The following PRSS23 variants were observed in gnomAD, a reference collection of about 807,000 sequenced individuals.
The protein encoded by PRSS23 is protease, serine 23.
PRSS23 carries 25 observed loss-of-function variants against 34.7 expected under a neutral mutation model. The observed-to-expected ratio is 0.72, with a 90% CI of 0.53 to 1.01. The LOEUF is 1.01. Among genes scored for constraint, PRSS23 ranks in the 50% least tolerant of loss-of-function variants. The probability of loss-of-function intolerance (pLI) is 0.00; values close to 1 mark genes in which losing one functional copy is unlikely to be tolerated. For synonymous variants in PRSS23, 176 were observed against 186.6 expected (o/e 0.94, Z 0.46); for missense variants, 445 against 475.6 (o/e 0.94, Z 0.60).
chr11:86,919,820 G>A (rs1447540958), intron 2 of PRSS23, among the ~76,000 whole-genome samples: 1 of 152,126 alleles, frequency 6.6e-6, no homozygotes. Context: ...TCTAGCCCAA[G>A]TTTAAGGGAG....
At chr11:86,939,426 A>ATATATATATATATATATATATTT in intron 2 of PRSS23, among the ~76,000 whole-genome samples, 1 of 94,074 alleles carries the variant, frequency 1.1e-5, no homozygotes, top group African/African-American at 3.3e-5. Flanking sequence ...ATATATATAT[A>ATATATATATATATATATATATTT]TTTTTTAACA....
intron 1 of PRSS23, 67 bp downstream of exon 1, chr11:86,800,718 G>T (rs1171756416): frequency 3.3e-6 from 3 of 905,022 alleles, no homozygotes; most frequent in Non-Finnish European, 4.0e-6. Context: ...GGAGGAGCGG[G>T]ACAAAGGGCC....
intron 1 of PRSS23, among the ~76,000 whole-genome samples, chr11:86,794,021 A>C (rs1446721270): frequency 1.3e-5 from 2 of 152,164 alleles, no homozygotes; most frequent in African/African-American, 2.4e-5. Flanking sequence ...GGATGAATAG[A>C]ATTTTCCACA....
chr11:86,874,277 G>A (rs1445796646), intron 2 of PRSS23, among the ~76,000 whole-genome samples: 3 of 152,204 alleles, frequency 2.0e-5, no homozygotes, highest in East Asian at 1.9e-4. Context: ...TTCACTCACC[G>A]GCTGGGAGCA....
At chr11:86,834,544 T>A (rs1173695925) in intron 2 of PRSS23, among the ~76,000 whole-genome samples, 1 of 142,024 alleles carries the variant, frequency 7.0e-6, no homozygotes, top group Non-Finnish European at 1.5e-5. Context: ...TCCTTTCCTT[T>A]CCTTTCCTTT....
chr11:86,880,512 C>T (rs1454867448), intron 2 of PRSS23, among the ~76,000 whole-genome samples: 1 of 151,874 alleles, frequency 6.6e-6, no homozygotes, highest in Non-Finnish European at 1.5e-5. Context: ...ACTTTAAGTT[C>T]CTGGATATAT....
chr11:86,926,347 G>C (rs1949081636), intron 2 of PRSS23, among the ~76,000 whole-genome samples: 1 of 152,130 alleles, frequency 6.6e-6, no homozygotes, highest in African/African-American at 2.4e-5. Flanking sequence ...TAGGTGACAA[G>C]AACGAGACTG....
At chr11:86,798,505 T>TCAG (rs1947996943), upstream of PRSS23, among the ~76,000 whole-genome samples, 1 of 152,214 alleles carries the variant, frequency 6.6e-6, no homozygotes, top group East Asian at 1.9e-4. Flanking sequence ...TCACACATCA[T>TCAG]GAGAGTGGCA....
At chr11:86,829,925 C>G (rs1948337523) in intron 2 of PRSS23, among the ~76,000 whole-genome samples, 1 of 152,224 alleles carries the variant, frequency 6.6e-6, no homozygotes, top group African/African-American at 2.4e-5. Context: ...AGTTAGGCTG[C>G]TCGGGTGTCA....
At chr11:86,796,131 C>G (rs1171663271), upstream of PRSS23, among the ~76,000 whole-genome samples, 1 of 152,130 alleles carries the variant, frequency 6.6e-6, no homozygotes, top group Non-Finnish European at 1.5e-5. Flanking sequence ...ACATCAGAAA[C>G]TGATGCAACC....
intron 1 of PRSS23, among the ~76,000 whole-genome samples, chr11:86,819,063 G>A (rs370186707): frequency 6.6e-6 from 1 of 152,138 alleles, no homozygotes; most frequent in Admixed American, 6.5e-5. Flanking sequence ...GCTGCTGGGC[G>A]GGAGTCCCAT....
upstream of PRSS23, among the ~76,000 whole-genome samples, chr11:86,798,175 A>C (rs1030800355): frequency 1.3e-5 from 2 of 152,134 alleles, no homozygotes; most frequent in African/African-American, 4.8e-5. Context: ...TGTTTCTTCA[A>C]TTGGGAGCTA....
chr11:86,816,683 GT>G (rs1400835673), intron 1 of PRSS23, among the ~76,000 whole-genome samples: 6 of 152,164 alleles, frequency 3.9e-5, no homozygotes, highest in Non-Finnish European at 8.8e-5. Context: ...AAAGTGACAG[GT>G]TTTACTACTC....
At chr11:86,841,193 G>T (rs1050928254) in intron 2 of PRSS23, among the ~76,000 whole-genome samples, 1 of 151,926 alleles carries the variant, frequency 6.6e-6, no homozygotes, top group Non-Finnish European at 1.5e-5. Flanking sequence ...TACAAAATTA[G>T]CCTGGTGTGG....
At chr11:86,817,493 CT>C (rs1948222577) in intron 1 of PRSS23, among the ~76,000 whole-genome samples, 1 of 152,188 alleles carries the variant, frequency 6.6e-6, no homozygotes, top group Non-Finnish European at 1.5e-5. Flanking sequence ...CTATTTCTGG[CT>C]CATGGATTGT....
chr11:86,941,378 G>A (rs1421399765), intron 2 of PRSS23, among the ~76,000 whole-genome samples: 1 of 152,188 alleles, frequency 6.6e-6, no homozygotes, highest in Admixed American at 6.5e-5. Flanking sequence ...GTAGTGTGCT[G>A]CAGCGAACTT....
At chr11:86,916,279 A>G (rs1370630974) in intron 2 of PRSS23, among the ~76,000 whole-genome samples, 1 of 152,194 alleles carries the variant, frequency 6.6e-6, no homozygotes, top group African/African-American at 2.4e-5. Context: ...TGAGTTTTCT[A>G]TGATGAGAAT....
intron 2 of PRSS23, chr11:86,833,160 C>G: frequency 1.2e-6 from 1 of 856,292 alleles, no homozygotes; most frequent in South Asian, 1.3e-5. Flanking sequence ...AGAGAGACAT[C>G]TGAGTCAGGC....
chr11:86,929,608 G>A (rs1010538449), intron 2 of PRSS23, among the ~76,000 whole-genome samples: 1 of 152,198 alleles, frequency 6.6e-6, no homozygotes, highest in Admixed American at 6.5e-5. Flanking sequence ...GTGCCTGGAT[G>A]ACAAAGCGAG....
Sources: allele counts gnomAD v4.1 joint callset (sites outside exome capture counted in the v4.1 genomes callset), GRCh38; gene constraint gnomAD v4.1.1; transcripts MANE v1.5; gene names NCBI Gene and HGNC (gene_info 2026-07-23, HGNC 2026-07-21).